The following MAP2K6 variants were observed in gnomAD, a reference collection of about 807,000 sequenced individuals.
MAP2K6 encodes mitogen-activated protein kinase kinase 6.
MAP2K6 carries 16 observed loss-of-function variants against 53.7 expected under a neutral mutation model. That is an observed-to-expected ratio of 0.30 (90% confidence interval 0.20 to 0.45). MAP2K6 has a LOEUF of 0.45. MAP2K6 is among the 20% of genes least tolerant of loss of function. The pLI, the probability that MAP2K6 is intolerant of heterozygous loss-of-function variation, is 1.00. For synonymous variants in MAP2K6, 132 were observed against 143.1 expected, an observed-to-expected ratio of 0.92 and a Z score of 0.55; for missense variants, 204 against 411.9, an observed-to-expected ratio of 0.50 and a Z score of 4.37.
intron 1 of MAP2K6, chr17:69,485,473 G>A (rs754691889): frequency 1.2e-4 from 115 of 983,346 alleles, no homozygotes; most frequent in Non-Finnish European, 1.3e-4. Context: ...CTTATACACT[G>A]TTAGAGTACT....
chr17:69,457,892 C>T (rs1907471279), intron 1 of MAP2K6, among the ~76,000 whole-genome samples: 1 of 152,204 alleles, frequency 6.6e-6, no homozygotes, highest in Non-Finnish European at 1.5e-5. Flanking sequence ...CTAGCAATGT[C>T]TGCAGAAGAT....
intron 1 of MAP2K6, among the ~76,000 whole-genome samples, chr17:69,470,514 A>G (rs1043673094): frequency 6.6e-6 from 1 of 152,146 alleles, no homozygotes; most frequent in Non-Finnish European, 1.5e-5. Flanking sequence ...GCCAGCAGAG[A>G]GCTTGGCCTT....
chr17:69,510,068 C>T (rs1598299266), intron 2 of MAP2K6, among the ~76,000 whole-genome samples: 1 of 152,114 alleles, frequency 6.6e-6, no homozygotes, highest in Non-Finnish European at 1.5e-5. Flanking sequence ...TGGTCTTGAA[C>T]TCATGGGCTC....
intron 1 of MAP2K6, among the ~76,000 whole-genome samples, chr17:69,486,882 T>G (rs1235831454): frequency 6.6e-6 from 1 of 152,202 alleles, no homozygotes; most frequent in Non-Finnish European, 1.5e-5. Flanking sequence ...GAGCACCGTT[T>G]AGTGAGAAAA....
intron 1 of MAP2K6, among the ~76,000 whole-genome samples, chr17:69,457,509 G>C (rs1339846100): frequency 6.6e-6 from 1 of 152,208 alleles, no homozygotes; most frequent in Non-Finnish European, 1.5e-5. Flanking sequence ...TGGACTTGCA[G>C]ACCAGCAGCC....
In MAP2K6 at chr17:69,502,513, A is replaced by G. The variant is rs1238261119; in HGVS notation, c.17-3267A>G. ...GAGTATTTTCTAACACTGTAATTCA[A>G]CTAGGTTTTGTGTCTCCTGGATCTA... On this transcript the variant is annotated intron_variant, in intron 1 of 11. Coordinates refer to ENST00000590474, the MANE Select transcript of MAP2K6 (RefSeq NM_002758.4). 3.0e-5 allele frequency: 30 copies of G among 985,286 alleles called. No individual in the cohort carries two copies. The Admixed American group carries it at 3.1e-4, about 10-fold the overall frequency. The allele number at this position is 985,286 out of a possible 1,614,324, so 61.0% of individuals were successfully genotyped here. A position where few individuals can be genotyped will look rare whatever the true frequency, so the allele number is the denominator to read the frequency against.
intron 1 of MAP2K6, among the ~76,000 whole-genome samples, chr17:69,417,243 C>G (rs181577220): frequency 3.7e-4 from 57 of 152,298 alleles, no homozygotes; most frequent in Admixed American, 7.8e-4. Flanking sequence ...GGCCAAAATA[C>G]TTTTTGCAGT....
intron 1 of MAP2K6, chr17:69,433,599 G>A (rs1246823768): frequency 6.6e-6 from 1 of 152,196 alleles, no homozygotes; most frequent in Non-Finnish European, 1.5e-5. Context: ...TTCACTGCTA[G>A]GCATGGAGAG....
chr17:69,490,095 C>T (rs1908685172), intron 1 of MAP2K6, among the ~76,000 whole-genome samples: 1 of 152,166 alleles, frequency 6.6e-6, no homozygotes, highest in Non-Finnish European at 1.5e-5. Context: ...TCTTTACCCT[C>T]TTGTTTCTTG....
At chr17:69,452,108 T>C (rs560814987) in intron 1 of MAP2K6, among the ~76,000 whole-genome samples, 186 of 152,048 alleles carry the variant, frequency 1.2e-3, no homozygotes, top group Non-Finnish European at 2.0e-3. Context: ...AACGCAGTGC[T>C]TCTCAACGGA....
intron 1 of MAP2K6, among the ~76,000 whole-genome samples, chr17:69,486,091 T>A (rs1384304345): frequency 6.6e-6 from 1 of 152,132 alleles, no homozygotes; most frequent in Non-Finnish European, 1.5e-5. Context: ...CTAGAACATA[T>A]CATACTTGGA....
At chr17:69,448,529 T>G (rs907865717) in intron 1 of MAP2K6, among the ~76,000 whole-genome samples, 2 of 152,120 alleles carry the variant, frequency 1.3e-5, no homozygotes, top group African/African-American at 4.8e-5. Context: ...TGCCCATCAC[T>G]GCCTTGGCCT....
intron 1 of MAP2K6, among the ~76,000 whole-genome samples, chr17:69,471,502 G>C (rs1177348978): frequency 2.0e-5 from 3 of 152,092 alleles, no homozygotes; most frequent in African/African-American, 7.2e-5. Flanking sequence ...AATAGACACT[G>C]GGGACTCCAG....
At chr17:69,432,007 G>A (rs1377538766) in intron 1 of MAP2K6, among the ~76,000 whole-genome samples, 1 of 152,190 alleles carries the variant, frequency 6.6e-6, no homozygotes, top group African/African-American at 2.4e-5. Context: ...TTAACCCCAT[G>A]GCTCACTACC....
chr17:69,524,846 A>T lies in MAP2K6; in HGVS notation c.664-55A>T. ...CCCCATCCCCAGAGACTATTGAGCT[A>T]AGAACGTTATCTCAATTGTCTTCCC... On this transcript the variant is annotated intron_variant, in intron 8 of 11. Transcript: ENST00000590474. 2.2e-6 allele frequency: 3 copies of T among 1,366,988 alleles called. No homozygotes were observed. In the South Asian group the frequency reaches 3.5e-5, roughly 16 times the overall value. 84.7% of individuals were successfully genotyped at this position (1,366,988 alleles called of 1,614,324 possible).
chr17:69,465,239 T>A (rs1907756972), intron 1 of MAP2K6, among the ~76,000 whole-genome samples: 1 of 151,168 alleles, frequency 6.6e-6, no homozygotes, highest in African/African-American at 2.4e-5. Flanking sequence ...AGTACCCTAG[T>A]TGGGTTAACT....
intron 5 of MAP2K6, chr17:69,520,051 A>G: frequency 1.9e-6 from 1 of 516,942 alleles, no homozygotes; most frequent in Non-Finnish European, 3.4e-6. Context: ...AGGAGAGCAC[A>G]TGCAGGTTCT....
At chr17:69,532,095 TGG>T (rs1237387369) in intron 10 of MAP2K6, among the ~76,000 whole-genome samples, 5 of 152,182 alleles carry the variant, frequency 3.3e-5, no homozygotes. Flanking sequence ...ACCAGTCTGA[TGG>T]CATATTGAAG....
intron 4 of MAP2K6, among the ~76,000 whole-genome samples, chr17:69,518,747 A>G (rs949139313): frequency 4.6e-5 from 7 of 152,220 alleles, no homozygotes; most frequent in African/African-American, 1.7e-4. Context: ...TATCTCTCCT[A>G]TCATTTAATG....
Sources: gnomAD v4.1 joint callset for allele counts (sites outside exome capture counted in the v4.1 genomes callset) on GRCh38, gnomAD v4.1.1 for gene constraint, MANE v1.5 for transcripts, NCBI Gene and HGNC (gene_info 2026-07-23, HGNC 2026-07-21) for gene names.